The following SHTN1 variants were observed in gnomAD, a reference collection of about 807,000 sequenced individuals.
The protein encoded by SHTN1 is shootin 1, also known as shootin-1.
Under a neutral mutation model 83.1 loss-of-function variants are expected in SHTN1, and 42 were observed. The ratio of observed to expected loss-of-function variants is 0.51; its 90% CI spans 0.39 to 0.65. The LOEUF (loss-of-function observed/expected upper bound fraction) is 0.65. Ranked by LOEUF, SHTN1 falls within the 30% of genes least tolerant of loss-of-function variation. SHTN1 has a pLI of 0.00. For missense variants in SHTN1, 622 were observed against 737.8 expected, an observed-to-expected ratio of 0.84 and a Z score of 1.82; for synonymous variants, 224 against 247.7, an observed-to-expected ratio of 0.90 and a Z score of 0.90.
intron 1 of SHTN1, among the ~76,000 whole-genome samples, chr10:117,060,176 A>G (rs904839617): frequency 1.3e-5 from 2 of 152,196 alleles, no homozygotes; most frequent in Non-Finnish European, 2.9e-5. Context: ...TGGCAAAATT[A>G]CATGCCACTG....
At chr10:117,093,439 G>A (rs1027125194) in intron 1 of SHTN1, among the ~76,000 whole-genome samples, 3 of 152,122 alleles carry the variant, frequency 2.0e-5, no homozygotes, top group African/African-American at 4.8e-5. Flanking sequence ...CAGCTACTCG[G>A]GAGGCCGAGG....
chr10:117,124,843 GCC>G (rs1853980682), intron 1 of SHTN1, among the ~76,000 whole-genome samples: 2 of 152,180 alleles, frequency 1.3e-5, no homozygotes, highest in Admixed American at 6.5e-5. Context: ...GAAGTTATTT[GCC>G]TAAGTTCACA....
chr10:117,082,671 A>C (rs563733122), intron 1 of SHTN1, among the ~76,000 whole-genome samples: 92 of 150,410 alleles, frequency 6.1e-4, no homozygotes, highest in African/African-American at 2.1e-3. Flanking sequence ...GTGGGAGTCT[A>C]AGTCTCTTTG....
intron 2 of SHTN1, among the ~76,000 whole-genome samples, chr10:117,021,537 A>G (rs559305026): frequency 2.0e-4 from 31 of 152,352 alleles, no homozygotes; most frequent in Non-Finnish European, 4.6e-4. Context: ...TCATAAAACT[A>G]TAAGTGTATA....
At chr10:116,949,484 G>A (rs756724429) in intron 6 of SHTN1, among the ~76,000 whole-genome samples, 40 of 151,884 alleles carry the variant, frequency 2.6e-4, no homozygotes, top group Non-Finnish European at 4.3e-4. Flanking sequence ...GAAAATACAA[G>A]AATCATTTAG....
intron 1 of SHTN1, among the ~76,000 whole-genome samples, chr10:117,085,329 TAA>T (rs1447651785): frequency 6.6e-6 from 1 of 152,220 alleles, no homozygotes; most frequent in Non-Finnish European, 1.5e-5. Context: ...CAAATTTTGA[TAA>T]GTTGTATTTT....
At chr10:117,063,468 G>A (rs1045468687) in intron 1 of SHTN1, among the ~76,000 whole-genome samples, 12 of 152,236 alleles carry the variant, frequency 7.9e-5, no homozygotes, top group African/African-American at 2.6e-4. Flanking sequence ...ATTAATATCA[G>A]GTTATCTCAA....
At chr10:117,006,671 G>A (rs1471645814), upstream of SHTN1, among the ~76,000 whole-genome samples, 1 of 152,022 alleles carries the variant, frequency 6.6e-6, no homozygotes, top group African/African-American at 2.4e-5. Flanking sequence ...AAGCATGGGA[G>A]ATAAGTCCAA....
intron 16 of SHTN1, among the ~76,000 whole-genome samples, chr10:116,888,858 G>A (rs774471342): frequency 9.9e-5 from 15 of 152,082 alleles, no homozygotes; most frequent in East Asian, 1.9e-4. Flanking sequence ...TTTATCTGTC[G>A]GCAACTCTAA....
intron 14 of SHTN1, among the ~76,000 whole-genome samples, chr10:116,909,025 T>A (rs957018520): frequency 6.6e-6 from 1 of 152,190 alleles, no homozygotes; most frequent in Non-Finnish European, 1.5e-5. Flanking sequence ...CCAAGACTAT[T>A]TTAGTTATCT....
intron 3 of SHTN1, among the ~76,000 whole-genome samples, chr10:116,965,205 T>G (rs1850344964): frequency 6.6e-6 from 1 of 152,192 alleles, no homozygotes; most frequent in South Asian, 2.1e-4. Flanking sequence ...AAGCTTTTCC[T>G]AACCCTTAGT....
At chr10:117,006,533 T>G (rs1198534877), upstream of SHTN1, among the ~76,000 whole-genome samples, 1 of 136,848 alleles carries the variant, frequency 7.3e-6, no homozygotes, top group Non-Finnish European at 1.5e-5. Context: ...GCCACTGCAC[T>G]CCAGCCTGGG....
chr10:117,032,206 A>C (rs905168985), intron 2 of SHTN1, among the ~76,000 whole-genome samples: 1 of 151,416 alleles, frequency 6.6e-6, no homozygotes, highest in African/African-American at 2.4e-5. Context: ...AGATGTAACA[A>C]TTTTTTTTTC....
chr10:116,910,911 G>A (rs768320762), intron 14 of SHTN1, among the ~76,000 whole-genome samples: 4 of 152,180 alleles, frequency 2.6e-5, no homozygotes, highest in East Asian at 3.8e-4. Context: ...AAGCCATTCT[G>A]GGTTAAGTCT....
chr10:117,103,758 G>A (rs192273798), intron 1 of SHTN1, among the ~76,000 whole-genome samples: 2,719 of 151,870 alleles, frequency 0.018, 98 homozygotes, highest in African/African-American at 0.062. Context: ...GGATGGTCTC[G>A]ATCTCCTGAC....
intron 1 of SHTN1, among the ~76,000 whole-genome samples, chr10:116,993,557 A>G (rs1007751785): frequency 6.6e-6 from 1 of 152,156 alleles, no homozygotes; most frequent in Non-Finnish European, 1.5e-5. Context: ...AGAAAAAAAA[A>G]TACCATATAT....
intron 1 of SHTN1, among the ~76,000 whole-genome samples, chr10:117,082,286 G>A (rs11197891): frequency 5.0e-5 from 6 of 119,322 alleles, no homozygotes; most frequent in South Asian, 3.3e-4. Context: ...CCTTCATTTC[G>A]TTATGTACCC....
chr10:117,047,555 G>A lies in SHTN1; in HGVS notation c.-123+890C>T, dbSNP rs895905089. ...AACGATAATTGCGATACAGTTTGAC[G>A]GGGCTGTGATGGTGTTAATTCTCAG... On this transcript the variant is annotated intron_variant, in intron 2 of 17. Coordinates refer to the SHTN1 transcript ENST00000392901. 3.9e-5 allele frequency among the ~76,000 whole-genome samples: 6 copies of A among 151,962 alleles called. No homozygotes were observed. The East Asian group carries it at 5.8e-4, about 15-fold the overall frequency.
intron 4 of SHTN1, among the ~76,000 whole-genome samples, chr10:116,957,256 C>CTTTTTTTT (rs374905540): frequency 7.4e-6 from 1 of 135,172 alleles, no homozygotes; most frequent in African/African-American, 2.7e-5. Context: ...TATCTTTTTA[C>CTTTTTTTT]TTTTTTTTTT....
Sources: gnomAD v4.1 joint callset for allele counts (sites outside exome capture counted in the v4.1 genomes callset) on GRCh38, gnomAD v4.1.1 for gene constraint, MANE v1.5 for transcripts, NCBI Gene and HGNC (gene_info 2026-07-23, HGNC 2026-07-21) for gene names.